SCNN1B: variants seen among roughly 807,000 people sequenced by gnomAD.
SCNN1B encodes the protein epithelial sodium channel subunit beta.
A neutral mutation model predicts 65.3 loss-of-function variants in SCNN1B; 46 were observed. The observed-to-expected ratio is 0.70, with a 90% CI of 0.56 to 0.90. The LOEUF (loss-of-function observed/expected upper bound fraction) is 0.90. Among genes scored for constraint, SCNN1B ranks in the 40% least tolerant of loss-of-function variants. SCNN1B has a pLI of 0.00. For missense variants in SCNN1B, 751 were observed against 830.5 expected (o/e 0.90, Z 1.18); for synonymous variants, 349 against 330.6 (o/e 1.06, Z -0.60).
chr16:23,333,586 CTG>C (rs1381831551), intron 1 of SCNN1B, among the ~76,000 whole-genome samples: 2 of 152,228 alleles, frequency 1.3e-5, no homozygotes, highest in East Asian at 3.8e-4. Flanking sequence ...GCGACGGGCA[CTG>C]TGCAAACTGC....
intron 1 of SCNN1B, among the ~76,000 whole-genome samples, chr16:23,280,635 A>C (rs899610050): frequency 1.3e-5 from 2 of 152,198 alleles, no homozygotes; most frequent in Non-Finnish European, 2.9e-5. Flanking sequence ...GCGAACTCAA[A>C]TATGTCTGAC....
intron 4 of SCNN1B, among the ~76,000 whole-genome samples, chr16:23,363,560 C>T (rs536380669): frequency 2.9e-4 from 44 of 152,328 alleles, no homozygotes; most frequent in Non-Finnish European, 5.9e-4. Flanking sequence ...TGCCTATAAT[C>T]CCAGCATTTA....
chr16:23,318,920 C>A lies in SCNN1B; in HGVS notation c.-9+16483C>A, dbSNP rs569675657. Among the ~76,000 whole-genome samples the A allele has an allele frequency of 4.6e-5, 7 of 152,336 alleles. No individual in the cohort carries two copies. In the South Asian group the frequency reaches 1.2e-3, roughly 27 times the overall value. ...CTTGATTGGGCCTTGTCAACATAAC[C>A]TTTTCATAGTCAAGTGCTACTAAGG... On this transcript the variant is annotated intron_variant, in intron 1 of 12. Transcript: ENST00000343070.
chr16:23,313,272 C>T (rs1961382530), intron 1 of SCNN1B, among the ~76,000 whole-genome samples: 1 of 152,152 alleles, frequency 6.6e-6, no homozygotes, highest in African/African-American at 2.4e-5. Flanking sequence ...ATTCTCTGGT[C>T]CCCTCCCCAT....
Position 23,348,951 on chromosome 16 carries a change from G to A in SCNN1B, c.311+41G>A, listed in dbSNP as rs1372103026. Reference sequence around the variant, plus strand: ...GTGCACAGCTGGCCTCAGCAGACAGGCGGTTCTCTTTCTCTCTTTTCTTCC... The same window carrying A: ...GTGCACAGCTGGCCTCAGCAGACAGACGGTTCTCTTTCTCTCTTTTCTTCC... On this transcript the variant is annotated intron_variant, in intron 2 of 12. Coordinates refer to ENST00000343070, the MANE Select transcript of SCNN1B (RefSeq NM_000336.3). The surrounding 1 kb of genome is among the most constrained non-coding windows in gnomAD (Gnocchi z 4.5). 6.5e-7 allele frequency: 1 copy of A among 1,545,456 alleles called. No homozygotes were observed. Among genetic ancestry groups the A allele is most frequent in the South Asian group, 1.1e-5 (1 of 89,596 alleles).
At chr16:23,343,623 G>C (rs1469453303) in intron 1 of SCNN1B, among the ~76,000 whole-genome samples, 1 of 110,880 alleles carries the variant, frequency 9.0e-6, no homozygotes, top group East Asian at 2.6e-4. Context: ...AAGAAAGAAA[G>C]AAAGAAAGAA....
intron 2 of SCNN1B, among the ~76,000 whole-genome samples, chr16:23,351,833 C>T (rs1019437913): frequency 6.6e-6 from 1 of 152,204 alleles, no homozygotes; most frequent in African/African-American, 2.4e-5. Flanking sequence ...CATTCATTTT[C>T]TCTCTCTTGA....
chr16:23,357,387 A>G (rs965366823), intron 4 of SCNN1B, among the ~76,000 whole-genome samples: 1 of 152,260 alleles, frequency 6.6e-6, no homozygotes, highest in Non-Finnish European at 1.5e-5. Flanking sequence ...GTTCGAGACT[A>G]GCCTGGCCAA....
chr16:23,327,756 G>T (rs893194848), intron 1 of SCNN1B, among the ~76,000 whole-genome samples: 1 of 152,170 alleles, frequency 6.6e-6, no homozygotes, highest in Admixed American at 6.5e-5. Flanking sequence ...TGGCTAGCAG[G>T]TGAACAAGAA....
At chr16:23,323,723 A>C in intron 1 of SCNN1B, 1 of 642,712 alleles carries the variant, frequency 1.6e-6, no homozygotes, top group Admixed American at 2.5e-5. Flanking sequence ...AAGGTGTCTT[A>C]GAAGCCAGCT....
chr16:23,333,633 A>T (rs952506792), intron 1 of SCNN1B, among the ~76,000 whole-genome samples: 5 of 152,148 alleles, frequency 3.3e-5, no homozygotes, highest in Non-Finnish European at 7.4e-5. Context: ...CCTGACAACA[A>T]CCTAGAAGGC....
chr16:23,305,534 TTATATATA>T lies in SCNN1B; in HGVS notation c.-9+3133_-9+3140del, dbSNP rs56338840. ...AACCCATCTCTACCAAATATATATA[TTATATATA>T]TATATATATATATATATATATATAT... On this transcript the variant is annotated intron_variant, in intron 1 of 12. Transcript: ENST00000343070. Among the ~76,000 whole-genome samples, 15 of 7,370 alleles carry T rather than the reference TTATATATA, an allele frequency of 2.0e-3. No homozygotes were observed. The Admixed American group carries it at 0.035, about 17-fold the overall frequency. The allele number at this position is 7,370 out of a possible 152,430, so 4.8% of individuals were successfully genotyped here. A position where few individuals can be genotyped will look rare whatever the true frequency, so the allele number is the denominator to read the frequency against.
At position 23,365,618 on chromosome 16, in the gene SCNN1B, A is replaced by AGAGAG. The variant is rs1567313760; in HGVS notation, c.777-2238_777-2237insGAGAG. Among the ~76,000 whole-genome samples, 485 of 64,630 alleles carry AGAGAG rather than the reference A, an allele frequency of 7.5e-3. 11 individuals carry two copies. The highest frequency in any genetic ancestry group is 0.046 in the South Asian group (72 of 1,550). 42.4% of individuals were successfully genotyped at this position (64,630 alleles called of 152,430 possible). ...GAAAGAAAGAAAGAAAGAAAGAAAG[A>AGAGAG]AAAAAGAAAGAAGTCACATCTTGGA... On this transcript the variant is annotated intron_variant, in intron 4 of 12. Coordinates refer to ENST00000343070, the MANE Select transcript of SCNN1B (RefSeq NM_000336.3).
chr16:23,318,945 G>T (rs538610996), intron 1 of SCNN1B, among the ~76,000 whole-genome samples: 23 of 152,284 alleles, frequency 1.5e-4, no homozygotes, highest in African/African-American at 2.9e-4. Context: ...TGCTACTAAG[G>T]TTTCTGAGAT....
chr16:23,339,858 C>T (rs147122252), intron 1 of SCNN1B, among the ~76,000 whole-genome samples: 4 of 151,986 alleles, frequency 2.6e-5, no homozygotes, highest in Admixed American at 6.6e-5. Context: ...TGAGCCACCG[C>T]GCCTGGCAAC....
At position 23,355,210 on chromosome 16, in the gene SCNN1B, C is replaced by T. The variant is rs72654324; in HGVS notation, c.586-89C>T. The T allele has an allele frequency of 2.5e-3, 3,351 of 1,334,282 alleles. 50 individuals carry two copies. In the African/African-American group the frequency reaches 0.039, roughly 16 times the overall value. 82.7% of individuals were successfully genotyped at this position (1,334,282 alleles called of 1,614,324 possible). A position where few individuals can be genotyped will look rare whatever the true frequency, so the allele number is the denominator to read the frequency against. On this transcript the variant is annotated intron_variant, in intron 3 of 12. Coordinates refer to ENST00000343070, the MANE Select transcript of SCNN1B (RefSeq NM_000336.3). The stretch of plus-strand genomic sequence containing the variant: ...CAGAAAGGTGGCTGGCAAAGCACAG[C>T]TCTTGCCCTGCTAGGGCCCTCGAGC...
At chr16:23,293,373 T>C (rs527436768) in intron 2 of SCNN1B, among the ~76,000 whole-genome samples, 16 of 152,290 alleles carry the variant, frequency 1.1e-4, no homozygotes, top group Middle Eastern at 3.4e-3. Flanking sequence ...TACAACATGA[T>C]GGACCCTGAA....
chr16:23,303,970 C>T, intron 1 of SCNN1B: 1 of 959,878 alleles, frequency 1.0e-6, no homozygotes, highest in Non-Finnish European at 1.6e-6. Flanking sequence ...TGTCATTCTG[C>T]AACTTGAGCC....
chr16:23,378,540 C>A (rs1962961639), intron 10 of SCNN1B, among the ~76,000 whole-genome samples, 166 bp from the exon 11 acceptor site: 1 of 152,162 alleles, frequency 6.6e-6, no homozygotes, highest in Non-Finnish European at 1.5e-5. Context: ...AGAACAGCAG[C>A]CACAGCTTCC....
Sources: gnomAD v4.1 joint callset for allele counts (sites outside exome capture counted in the v4.1 genomes callset) on GRCh38, gnomAD v4.1.1 for gene constraint, Gnocchi (gnomAD v3.1) non-coding constraint, MANE v1.5 for transcripts, NCBI Gene and HGNC (gene_info 2026-07-23, HGNC 2026-07-21) for gene names.